The following MAGI2 variants were observed in gnomAD, a reference collection of about 807,000 sequenced individuals.
MAGI2 encodes membrane-associated guanylate kinase, WW and PDZ domain-containing protein 2.
A neutral mutation model predicts 133.3 loss-of-function variants in MAGI2; 35 were observed. The ratio of observed to expected loss-of-function variants is 0.26; its 90% CI spans 0.20 to 0.35. MAGI2 has a LOEUF of 0.35. Ranked by LOEUF, MAGI2 falls within the 10% of genes least tolerant of loss-of-function variation. MAGI2 has a pLI of 1.00. For missense variants in MAGI2, 1,636 were observed against 1,863.4 expected (o/e 0.88, Z 2.25); for synonymous variants, 729 against 710.6 (o/e 1.03, Z -0.41).
intron 2 of MAGI2, among the ~76,000 whole-genome samples, chr7:78,705,198 C>A (rs1818511755): frequency 6.6e-6 from 1 of 152,030 alleles, no homozygotes; most frequent in African/African-American, 2.4e-5. Flanking sequence ...ATGATTGGAT[C>A]ATGAGGGTGG....
chr7:79,385,599 T>C (rs1216476069), intron 1 of MAGI2, among the ~76,000 whole-genome samples: 3 of 151,766 alleles, frequency 2.0e-5, no homozygotes, highest in Non-Finnish European at 2.9e-5. Context: ...ATAAAAAAAA[T>C]TCCACATATA....
intron 1 of MAGI2, among the ~76,000 whole-genome samples, chr7:79,366,025 T>G (rs1267381000): frequency 6.6e-6 from 1 of 151,104 alleles, no homozygotes; most frequent in Non-Finnish European, 1.5e-5. Context: ...GAGGATCACT[T>G]AAGCCCAGGG....
chr7:78,072,123 A>G (rs1814780604), intron 21 of MAGI2, among the ~76,000 whole-genome samples: 1 of 152,180 alleles, frequency 6.6e-6, no homozygotes, highest in Non-Finnish European at 1.5e-5. Context: ...GGCTCATTAA[A>G]TTATAATTTA....
intron 2 of MAGI2, among the ~76,000 whole-genome samples, chr7:78,807,492 G>A (rs562830420): frequency 6.6e-6 from 1 of 151,808 alleles, no homozygotes; most frequent in Non-Finnish European, 1.5e-5. Flanking sequence ...ATGTCATATA[G>A]CCCCTGGAAA....
chr7:79,377,424 G>T (rs1470314104), intron 1 of MAGI2, among the ~76,000 whole-genome samples: 3 of 151,766 alleles, frequency 2.0e-5, no homozygotes, highest in African/African-American at 7.3e-5. Flanking sequence ...TTTTCCGCTG[G>T]AGGACGAGAT....
intron 3 of MAGI2, among the ~76,000 whole-genome samples, chr7:78,587,062 A>G (rs1401749170): frequency 6.6e-6 from 1 of 152,186 alleles, no homozygotes; most frequent in African/African-American, 2.4e-5. Context: ...TGTCTCTTCA[A>G]AATCCTGCTT....
intron 6 of MAGI2, among the ~76,000 whole-genome samples, chr7:78,452,557 G>A (rs1015249276): frequency 3.3e-5 from 5 of 151,664 alleles, no homozygotes; most frequent in Admixed American, 2.6e-4. Flanking sequence ...GTATAAAAAT[G>A]TACCTTTTTC....
intron 1 of MAGI2, among the ~76,000 whole-genome samples, chr7:79,022,757 T>A (rs1276382744): frequency 6.6e-6 from 1 of 150,840 alleles, no homozygotes; most frequent in African/African-American, 2.4e-5. Flanking sequence ...GCTAGAAACC[T>A]AGAAAATTAT....
chr7:79,256,797 T>C (rs559145277), intron 1 of MAGI2, among the ~76,000 whole-genome samples: 1 of 152,172 alleles, frequency 6.6e-6, no homozygotes, highest in Admixed American at 6.5e-5. Flanking sequence ...CGCAAAAATA[T>C]CTTTAAAATT....
intron 21 of MAGI2, among the ~76,000 whole-genome samples, chr7:78,028,010 G>A (rs1005927728): frequency 2.0e-5 from 3 of 152,178 alleles, no homozygotes; most frequent in Non-Finnish European, 4.4e-5. Context: ...GATTAAGGTA[G>A]ATCAAAGGAC....
intron 2 of MAGI2, among the ~76,000 whole-genome samples, chr7:78,802,271 T>G (rs1583948442): frequency 6.6e-6 from 1 of 152,216 alleles, no homozygotes; most frequent in African/African-American, 2.4e-5. Flanking sequence ...AATTTATAAC[T>G]GTACATTCAT....
At chr7:79,084,455 T>C (rs1020397559) in intron 1 of MAGI2, among the ~76,000 whole-genome samples, 2 of 151,876 alleles carry the variant, frequency 1.3e-5, no homozygotes, top group East Asian at 3.9e-4. Flanking sequence ...TAGTTGTAGA[T>C]TTTCCAAATT....
chr7:78,965,238 A>G (rs1249889235), intron 2 of MAGI2, among the ~76,000 whole-genome samples: 1 of 151,762 alleles, frequency 6.6e-6, no homozygotes, highest in Non-Finnish European at 1.5e-5. Context: ...AATGTATGAT[A>G]AAGAATAAAA....
chr7:79,027,489 G>C (rs1270360780), intron 1 of MAGI2, among the ~76,000 whole-genome samples: 2 of 152,070 alleles, frequency 1.3e-5, no homozygotes, highest in Non-Finnish European at 2.9e-5. Flanking sequence ...GCTTGTATGT[G>C]AAATCTAAAA....
intron 6 of MAGI2, among the ~76,000 whole-genome samples, chr7:78,451,339 C>T (rs2160319): frequency 0.77 from 117,481 of 151,664 alleles, 47,299 homozygotes; most frequent in East Asian, 0.95. Flanking sequence ...GTGTTTAGAA[C>T]GCAAAGGAAA....
chr7:79,014,142 A>G (rs928907794), intron 1 of MAGI2, among the ~76,000 whole-genome samples: 1 of 152,220 alleles, frequency 6.6e-6, no homozygotes, highest in African/African-American at 2.4e-5. Flanking sequence ...AAAATGACAG[A>G]GATAAATGTA....
intron 2 of MAGI2, among the ~76,000 whole-genome samples, chr7:78,890,988 A>G (rs1025638416): frequency 2.6e-5 from 4 of 152,208 alleles, no homozygotes; most frequent in Admixed American, 6.5e-5. Flanking sequence ...TAGCAAGAAT[A>G]ATAAAGAAGA....
chr7:78,025,068 G>A (rs1225782244), intron 21 of MAGI2, among the ~76,000 whole-genome samples: 1 of 152,296 alleles, frequency 6.6e-6, no homozygotes, highest in South Asian at 2.1e-4. Context: ...GCCTAAAAAA[G>A]CCTGCATGAT....
intron 2 of MAGI2, among the ~76,000 whole-genome samples, chr7:78,742,096 CT>C (rs953477907): frequency 8.6e-5 from 13 of 151,704 alleles, no homozygotes; most frequent in East Asian, 2.0e-4. Flanking sequence ...AAAATTGGAA[CT>C]TTTTTTTATG....
Sources: allele counts gnomAD v4.1 joint callset (sites outside exome capture counted in the v4.1 genomes callset), GRCh38; gene constraint gnomAD v4.1.1; transcripts MANE v1.5; gene names NCBI Gene and HGNC (gene_info 2026-07-23, HGNC 2026-07-21).